The following RYR2 variants were observed in gnomAD, a reference collection of about 807,000 sequenced individuals.
RYR2 encodes ryanodine receptor 2, also known as cardiac muscle ryanodine receptor-calcium release channel.
Under a neutral mutation model 601.1 loss-of-function variants are expected in RYR2, and 227 were observed. The ratio of observed to expected loss-of-function variants is 0.38; its 90% CI spans 0.34 to 0.42. RYR2 has a LOEUF of 0.42. RYR2 is among the 10% of genes least tolerant of loss of function. RYR2 has a pLI of 1.00. For missense variants in RYR2, 4,646 were observed against 6,156.5 expected, an observed-to-expected ratio of 0.75 and a Z score of 8.21; for synonymous variants, 2,223 against 2,175.1, an observed-to-expected ratio of 1.02 and a Z score of -0.61.
intron 3 of RYR2, among the ~76,000 whole-genome samples, chr1:237,351,850 C>A (rs1698868776): frequency 3.1e-5 from 2 of 64,346 alleles, no homozygotes; most frequent in African/African-American, 6.3e-5. Context: ...TGACAAAGAC[C>A]ATGCAAAAAA....
At chr1:237,796,369 A>T (rs183184693) in intron 96 of RYR2, among the ~76,000 whole-genome samples, 2 of 152,170 alleles carry the variant, frequency 1.3e-5, no homozygotes, top group African/African-American at 4.8e-5. Flanking sequence ...ATTTCCCGCT[A>T]TGGTACCTAA....
intron 24 of RYR2, among the ~76,000 whole-genome samples, chr1:237,515,811 C>CTCCTCCCTCTTCTCT (rs781063565): frequency 0.14 from 16,817 of 116,772 alleles, 2,018 homozygotes; most frequent in Non-Finnish European, 0.2. Context: ...CCTTCTCCTC[C>CTCCTCCCTCTTCTCT]TCCTCCCTCT....
chr1:237,569,017 T>C (rs901076773), intron 28 of RYR2, 128 bp from the exon 29 acceptor site: 3 of 691,250 alleles, frequency 4.3e-6, no homozygotes, highest in African/African-American at 3.6e-5. Context: ...TAGACCGATA[T>C]GCCAGCTGGA....
intron 2 of RYR2, among the ~76,000 whole-genome samples, chr1:237,293,910 A>G (rs1692491613): frequency 6.6e-6 from 1 of 152,050 alleles, no homozygotes; most frequent in African/African-American, 2.4e-5. Flanking sequence ...CAGCCCCTCT[A>G]TCCTCCATGG....
rs1222248138 is a variant in RYR2 at position 237,819,016 on chromosome 1, A to T, written c.14434-20A>T. 1 of 1,599,074 alleles carries T rather than the reference A, an allele frequency of 6.3e-7. No individual in the cohort carries two copies. The highest frequency in any genetic ancestry group is 2.2e-5 in the East Asian group (1 of 44,518). Reference sequence around the variant, plus strand: ...ATGGGTAATGTCCCTCCAAGAAGTGATACCATGTCTTTTTTCCAGTGCTAT... The same window carrying T: ...ATGGGTAATGTCCCTCCAAGAAGTGTTACCATGTCTTTTTTCCAGTGCTAT... On this transcript the variant is annotated intron_variant, in intron 100 of 104. Coordinates refer to ENST00000366574, the MANE Select transcript of RYR2 (RefSeq NM_001035.3). The surrounding 1 kb of genome is among the most constrained non-coding windows in gnomAD (Gnocchi z 4.0).
intron 1 of RYR2, among the ~76,000 whole-genome samples, chr1:237,171,126 C>T (rs928738556): frequency 5.3e-5 from 8 of 151,258 alleles, no homozygotes; most frequent in African/African-American, 1.9e-4. Flanking sequence ...GCCAGCTACT[C>T]GGGAGGCTGA....
At chr1:237,390,662 G>T (rs1244828689) in intron 10 of RYR2, among the ~76,000 whole-genome samples, 1 of 152,144 alleles carries the variant, frequency 6.6e-6, no homozygotes. Context: ...GATCCAAGAG[G>T]ATCCTTTCGA....
intron 2 of RYR2, among the ~76,000 whole-genome samples, chr1:237,330,529 A>G (rs1040379426): frequency 6.6e-6 from 1 of 152,192 alleles, no homozygotes; most frequent in Non-Finnish European, 1.5e-5. Context: ...CTGGGATTAC[A>G]GGCTTGTGCC....
At chr1:237,773,368 C>T (rs1694419423) in intron 86 of RYR2, among the ~76,000 whole-genome samples, 152 bp from the exon 87 acceptor site, 1 of 152,128 alleles carries the variant, frequency 6.6e-6, no homozygotes, top group African/African-American at 2.4e-5. Flanking sequence ...TTAGGAAATT[C>T]ATTGAAGAAT....
intron 20 of RYR2, 141 bp from the exon 21 acceptor site, chr1:237,500,570 G>A: frequency 1.5e-6 from 1 of 645,982 alleles, no homozygotes; most frequent in Non-Finnish European, 2.6e-6. Context: ...CATGTAACAT[G>A]CGTTTACATT....
rs1454135783 is a variant in RYR2 at position 237,496,805 on chromosome 1, A to G, written c.2203+53A>G. 4 of 1,568,080 alleles carry G rather than the reference A, an allele frequency of 2.6e-6. No individual in the cohort carries two copies. The East Asian group carries it at 6.8e-5, about 27-fold the overall frequency. On this transcript the variant is annotated intron_variant, in intron 20 of 104. Coordinates refer to ENST00000366574, the MANE Select transcript of RYR2 (RefSeq NM_001035.3). ...TGTTCCAGAAGATCTTTTGCTGGGC[A>G]TTTCTGAAAGCTATTGGTGCTGCTT...
chr1:237,101,172 T>C (rs948444277), intron 1 of RYR2, among the ~76,000 whole-genome samples: 1 of 152,102 alleles, frequency 6.6e-6, no homozygotes, highest in Non-Finnish European at 1.5e-5. Context: ...GGATGACTTA[T>C]AGGTCCCTGG....
At chr1:237,215,328 T>C (rs1347742225) in intron 1 of RYR2, among the ~76,000 whole-genome samples, 1 of 152,020 alleles carries the variant, frequency 6.6e-6, no homozygotes, top group East Asian at 1.9e-4. Flanking sequence ...TCCAGGCATA[T>C]AGGAAAAAAA....
chr1:237,416,706 G>A (rs1420788547), intron 10 of RYR2, among the ~76,000 whole-genome samples: 2 of 148,534 alleles, frequency 1.3e-5, no homozygotes, highest in Non-Finnish European at 3.0e-5. Flanking sequence ...TAAGTTAGAT[G>A]AGTAAGGTGA....
chr1:237,161,903 A>G (rs918144912), intron 1 of RYR2, among the ~76,000 whole-genome samples: 5 of 152,180 alleles, frequency 3.3e-5, no homozygotes, highest in Non-Finnish European at 7.4e-5. Flanking sequence ...CCTGTTTTCT[A>G]TAGCAAATAC....
At chr1:237,679,769 C>T (rs539113752) in intron 61 of RYR2, among the ~76,000 whole-genome samples, 17 of 152,008 alleles carry the variant, frequency 1.1e-4, no homozygotes, top group Non-Finnish European at 7.4e-5. Flanking sequence ...AAGACTTAGC[C>T]GGCAAATTGC....
At position 237,783,694 on chromosome 1, in the gene RYR2, G is replaced by T; in HGVS notation, c.11982G>T (p.Thr3994=). The T allele has an allele frequency of 6.2e-7, 1 of 1,604,250 alleles. No individual in the cohort carries two copies. The highest frequency in any genetic ancestry group is 1.1e-5 in the South Asian group (1 of 90,040). Residue 3994 remains threonine, a synonymous_variant, in exon 90 of 105, where the codon ACG becomes ACT. Coordinates refer to ENST00000366574, the MANE Select transcript of RYR2 (RefSeq NM_001035.3). ...SMLEGNVVNG[T]IGKQMVDMLV... The stretch of plus-strand genomic sequence containing the variant: ...CACCAGGTAATGTTGTTAATGGAAC[G>T]ATTGGCAAACAGATGGTGGATATGC...
chr1:237,538,999 G>A (rs1056794183), intron 25 of RYR2, among the ~76,000 whole-genome samples: 18 of 152,132 alleles, frequency 1.2e-4, no homozygotes, highest in African/African-American at 4.3e-4. Context: ...ATAACCTAGC[G>A]GATGACTTTA....
intron 101 of RYR2, among the ~76,000 whole-genome samples, chr1:237,827,936 CAAAAAAA>C (rs58421624): frequency 5.8e-5 from 4 of 69,290 alleles, no homozygotes; most frequent in East Asian, 3.4e-4. Context: ...GACTCCGTCT[CAAAAAAA>C]AAAAAAAAAA....
Sources: gnomAD v4.1 joint callset for allele counts (sites outside exome capture counted in the v4.1 genomes callset) on GRCh38, gnomAD v4.1.1 for gene constraint, Gnocchi (gnomAD v3.1) non-coding constraint, MANE v1.5 for transcripts, NCBI Gene and HGNC (gene_info 2026-07-23, HGNC 2026-07-21) for gene names.